The following MTPAP variants were observed in gnomAD, a reference collection of about 807,000 sequenced individuals.
MTPAP encodes mitochondrial poly(A) polymerase, also known as poly(A) RNA polymerase, mitochondrial.
A neutral mutation model predicts 48.7 loss-of-function variants in MTPAP; 23 were observed. The ratio of observed to expected loss-of-function variants is 0.47; its 90% CI spans 0.34 to 0.67. The LOEUF is 0.67. Ranked by LOEUF, MTPAP falls within the 30% of genes least tolerant of loss-of-function variation. The pLI is 0.01. For missense variants in MTPAP, 614 were observed against 694.3 expected (o/e 0.88, Z 1.30); for synonymous variants, 257 against 254.1 (o/e 1.01, Z -0.11).
chr10:30,331,718 C>A (rs1208167467), intron 4 of MTPAP, among the ~76,000 whole-genome samples: 2 of 152,226 alleles, frequency 1.3e-5, no homozygotes, highest in Admixed American at 1.3e-4. Flanking sequence ...AGGCACCCGC[C>A]ATCATGCCCG....
Position 30,313,780 on chromosome 10 carries a change from C to A in MTPAP, c.1578G>T (p.Gly526=). 1 of 1,614,092 alleles carries A rather than the reference C, an allele frequency of 6.2e-7. No homozygotes were observed. The highest frequency in any genetic ancestry group is 8.5e-7 in the Non-Finnish European group (1 of 1,179,964). ...RPSISSNRPW[G]LVSLLLPSAP... ...CAGATGGTAGCAATAGGGATACCAG[C>A]CCCCAGGGCCGATTACTTGATATGG... Residue 526 remains glycine (G), a synonymous_variant, in exon 9 of 9, where the codon GGG becomes GGT. Transcript: ENST00000263063.
intron 4 of MTPAP, among the ~76,000 whole-genome samples, chr10:30,331,653 G>A (rs1326298846): frequency 3.3e-5 from 5 of 152,136 alleles, no homozygotes; most frequent in Admixed American, 6.5e-5. Context: ...TACAACCTCC[G>A]CCTCCTGGGT....
At chr10:30,335,604 T>C (rs1007338021) in intron 4 of MTPAP, among the ~76,000 whole-genome samples, 1 of 152,078 alleles carries the variant, frequency 6.6e-6, no homozygotes, top group Non-Finnish European at 1.5e-5. Context: ...CCATTAGACA[T>C]CGTGTTAAAG....
chr10:30,322,102 C>G (rs570371363), intron 6 of MTPAP, among the ~76,000 whole-genome samples: 8 of 152,276 alleles, frequency 5.3e-5, no homozygotes, highest in African/African-American at 1.9e-4. Flanking sequence ...CAAGTTGTAT[C>G]TGAAAAAGGT....
intron 5 of MTPAP, among the ~76,000 whole-genome samples, chr10:30,323,128 C>CAAAAAAAAAAAA (rs201987154): frequency 2.9e-4 from 25 of 86,482 alleles, no homozygotes; most frequent in East Asian, 1.4e-3. Context: ...GACTCCGTTT[C>CAAAAAAAAAAAA]AAAAAAAAAA....
chr10:30,340,249 C>G lies in MTPAP; in HGVS notation c.532G>C (p.Glu178Gln), dbSNP rs1389887662. Reference protein sequence around the residue: ...QLPRSNKQLFELLCYAESIDD... With the variant: ...QLPRSNKQLFQLLCYAESIDD... ...ACACTTTCTGCATAACAAAGTAATT[C>G]AAAAAGCTGCTTGTTTGAACGTGGC... The change falls in exon 3 of 9, where the codon GAA becomes CAA. Residue 178 changes from glutamate to glutamine, a missense_variant. Physicochemically the swap from Glu to Gln is conservative, Grantham distance 29. Around this residue, in one of 5 missense-constraint regions of MTPAP, gnomAD observed 114 missense variants for 107.9 expected, o/e 1.06. Coordinates refer to ENST00000263063, the MANE Select transcript of MTPAP (RefSeq NM_018109.4). The G allele has an allele frequency of 6.2e-7, 1 of 1,613,978 alleles. No individual in the cohort carries two copies. The highest frequency in any genetic ancestry group is 1.3e-5 in the African/African-American group (1 of 75,016).
intron 4 of MTPAP, among the ~76,000 whole-genome samples, chr10:30,330,074 G>A (rs778298136): frequency 6.6e-6 from 1 of 151,942 alleles, no homozygotes; most frequent in Non-Finnish European, 1.5e-5. Flanking sequence ...AGATACTTAT[G>A]TATTTCTATG....
intron 6 of MTPAP, among the ~76,000 whole-genome samples, chr10:30,317,013 TTTC>T (rs1419590748): frequency 2.6e-5 from 4 of 152,370 alleles, no homozygotes; most frequent in African/African-American, 9.6e-5. Flanking sequence ...TAATCTATAA[TTTC>T]TTGTCTATGA....
At chr10:30,324,997 A>C (rs1159138866) in intron 5 of MTPAP, among the ~76,000 whole-genome samples, 1 of 152,122 alleles carries the variant, frequency 6.6e-6, no homozygotes, top group Non-Finnish European at 1.5e-5. Context: ...TCTCAAAAAA[A>C]AAAAAAGAAA....
At chr10:30,346,419 T>C (rs895481723) in intron 1 of MTPAP, among the ~76,000 whole-genome samples, 1 of 151,928 alleles carries the variant, frequency 6.6e-6, no homozygotes, top group South Asian at 2.1e-4. Context: ...TTACTACAGA[T>C]AAAGAGAGGA....
At chr10:30,321,557 A>G (rs148014368) in intron 6 of MTPAP, among the ~76,000 whole-genome samples, 98 of 152,340 alleles carry the variant, frequency 6.4e-4, no homozygotes, top group African/African-American at 2.2e-3. Flanking sequence ...TAATCACAGC[A>G]CTGGCTGGAA....
intron 2 of MTPAP, 104 bp downstream of exon 2, chr10:30,341,364 A>G: frequency 7.0e-7 from 1 of 1,423,634 alleles, no homozygotes. Context: ...ATCAAAGAGA[A>G]CCTACCTACC....
chr10:30,348,971 A>C, intron 1 of MTPAP, 148 bp downstream of exon 1: 24 of 1,194,794 alleles, frequency 2.0e-5, no homozygotes, highest in Non-Finnish European at 2.7e-5. Context: ...GTTCCCCTAC[A>C]GAGATCAGAG....
At chr10:30,334,951 A>G (rs1218016481) in intron 4 of MTPAP, among the ~76,000 whole-genome samples, 1 of 152,268 alleles carries the variant, frequency 6.6e-6, no homozygotes, top group Non-Finnish European at 1.5e-5. Context: ...AATACAAAAG[A>G]TAACAACTTA....
chr10:30,325,660 C>T (rs1588715029), intron 5 of MTPAP, among the ~76,000 whole-genome samples: 1 of 152,140 alleles, frequency 6.6e-6, no homozygotes, highest in South Asian at 2.1e-4. Context: ...GCACAAGAAT[C>T]GCTTGAACCC....
Position 30,349,161 on chromosome 10 carries a change from C to A in MTPAP, c.115G>T (p.Asp39Tyr), listed in dbSNP as rs114438816. ...LLSCPGTVAK[D>Y]LRRDEQPSGS... is the part of the protein sequence containing the mutation. ...GAAGGCTGCTCGTCTCTCCTAAGGT[C>A]TTTGGCCACAGTTCCTGGGCAACTC... is the stretch of plus-strand genomic sequence containing the variant. The change falls in exon 1 of 9, where the codon GAC (aspartate) becomes TAC (tyrosine). Residue 39 changes from aspartate (D) to tyrosine (Y), a missense_variant. Transcript: ENST00000263063. The A allele has an allele frequency of 4.6e-3, 7,399 of 1,612,754 alleles. 277 individuals are homozygous for A. The African/African-American group carries it at 0.088, about 19-fold the overall frequency.
chr10:30,328,264 A>AT (rs1397236463), intron 4 of MTPAP, among the ~76,000 whole-genome samples: 4 of 152,172 alleles, frequency 2.6e-5, no homozygotes, highest in South Asian at 2.1e-4. Context: ...CAGAAATGAG[A>AT]TTTTTTATTT....
intron 3 of MTPAP, among the ~76,000 whole-genome samples, chr10:30,337,893 C>A (rs186778138): frequency 2.2e-4 from 34 of 152,274 alleles, no homozygotes; most frequent in Non-Finnish European, 3.7e-4. Context: ...AAAATGATCA[C>A]ATACTGAAAT....
At chr10:30,340,186 AT>A (rs1564523604) in intron 3 of MTPAP, 39 bp downstream of exon 3, 3 of 1,471,434 alleles carry the variant, frequency 2.0e-6, no homozygotes, top group Non-Finnish European at 9.5e-7. Context: ...TCATAAAAAA[AT>A]ACATAGTTCT....
Sources: gnomAD v4.1 joint callset for allele counts (sites outside exome capture counted in the v4.1 genomes callset) on GRCh38, gnomAD v4.1.1 for gene constraint, gnomAD v4.1.1 regional missense constraint, MANE v1.5 for transcripts, NCBI Gene and HGNC (gene_info 2026-07-23, HGNC 2026-07-21) for gene names.